RANBP2: variants seen among roughly 807,000 people sequenced by gnomAD.
RANBP2 encodes the protein E3 SUMO-protein ligase RanBP2.
In RANBP2, 57 loss-of-function variants were observed where a neutral mutation model predicts 303.6. That is an observed-to-expected ratio of 0.19 (90% CI 0.15 to 0.23). The LOEUF is 0.23. Among genes scored for constraint, RANBP2 ranks in the 10% least tolerant of loss-of-function variants. The pLI is 1.00. For missense variants in RANBP2, 3,138 were observed against 3,780.8 expected (o/e 0.83, Z 4.46); for synonymous variants, 1,167 against 1,301.5 (o/e 0.90, Z 2.23).
downstream of RANBP2, chr2:108,786,956 C>G: frequency 1.4e-6 from 2 of 1,383,154 alleles, no homozygotes; most frequent in Non-Finnish European, 1.9e-6. Context: ...GCTCCTGCTG[C>G]TGGGGGGCGG....
chr2:108,769,311 C>A (rs1349633211), intron 20 of RANBP2: 1 of 984,578 alleles, frequency 1.0e-6, no homozygotes, highest in East Asian at 1.1e-4. Context: ...TGGACTAGCA[C>A]CCCTTCCTCA....
chr2:108,797,358 G>A, the RANBP2 span, among the ~76,000 whole-genome samples: 1 of 152,292 alleles, frequency 6.6e-6, no homozygotes, highest in South Asian at 2.1e-4. Flanking sequence ...AGAGACGGCA[G>A]TATAAAATGC....
At chr2:108,776,011 T>C (rs1322559964) in intron 24 of RANBP2, 75 bp downstream of exon 24, 3 of 1,354,350 alleles carry the variant, frequency 2.2e-6, no homozygotes, top group Non-Finnish European at 3.1e-6. Flanking sequence ...TTTTAAAGGC[T>C]GATCCTGAAA....
chr2:109,569,883 T>C, the RANBP2 span, among the ~76,000 whole-genome samples: 1 of 152,108 alleles, frequency 6.6e-6, no homozygotes, highest in Non-Finnish European at 1.5e-5. Flanking sequence ...AGCAGTCGAA[T>C]GTTCTGCTTT....
chr2:109,766,026 CAGA>C, the RANBP2 span, among the ~76,000 whole-genome samples: 1 of 150,040 alleles, frequency 6.7e-6, no homozygotes, highest in Non-Finnish European at 1.5e-5. Context: ...AAAGAAAGGG[CAGA>C]AGGAGAGTGC....
rs373286631 is a variant in RANBP2 at position 108,762,113 on chromosome 2, G to C, written c.2615G>C (p.Gly872Ala). ...HGAPLTVATT[G>A]PSVYYSQSPA... ...TTTGTTTTTTTAGTTGCAACTACTG[G>C]CCCTTCAGTATATTATAGTCAGTCA... Residue 872 changes from glycine (G) to alanine (A), a missense_variant, in exon 19 of 29, where the codon GGC becomes GCC. Around this residue, in one of 20 missense-constraint regions of RANBP2, gnomAD observed 26 missense variants for 58.0 expected, o/e 0.45. Transcript: ENST00000283195. The C allele has an allele frequency of 6.3e-7, 1 of 1,595,842 alleles. No homozygotes were observed. The highest frequency in any genetic ancestry group is 8.5e-7 in the Non-Finnish European group (1 of 1,179,198).
At chr2:109,326,630 A>G in the RANBP2 span, among the ~76,000 whole-genome samples, 1 of 152,190 alleles carries the variant, frequency 6.6e-6, no homozygotes, top group Non-Finnish European at 1.5e-5. Flanking sequence ...TTTGGGGACC[A>G]TTTGTGTTCA....
the RANBP2 span, among the ~76,000 whole-genome samples, chr2:109,468,336 G>A: frequency 6.6e-6 from 1 of 152,126 alleles, no homozygotes; most frequent in Non-Finnish European, 1.5e-5. Flanking sequence ...GAAGGGGAAT[G>A]CGTTGCACTG....
the RANBP2 span, among the ~76,000 whole-genome samples, chr2:109,164,894 T>C: frequency 2.6e-5 from 4 of 152,236 alleles, no homozygotes; most frequent in Non-Finnish European, 1.5e-5. Context: ...AAGGCACTTA[T>C]GGATGATGGT....
chr2:109,655,086 A>G, the RANBP2 span, among the ~76,000 whole-genome samples: 19 of 152,086 alleles, frequency 1.2e-4, no homozygotes, highest in East Asian at 3.7e-3. Context: ...TATTTTTAGT[A>G]GAGACGGGGT....
At chr2:109,717,837 C>G in the RANBP2 span, among the ~76,000 whole-genome samples, 1 of 151,882 alleles carries the variant, frequency 6.6e-6, no homozygotes, top group African/African-American at 2.4e-5. Flanking sequence ...TCGCTTGAAC[C>G]CGGGAGGCAG....
the RANBP2 span, among the ~76,000 whole-genome samples, chr2:109,122,564 AG>A: frequency 1.3e-5 from 2 of 152,180 alleles, no homozygotes; most frequent in African/African-American, 4.8e-5. Context: ...GTCTTACTAA[AG>A]CCCCCATCAA....
chr2:108,873,115 T>C, the RANBP2 span, among the ~76,000 whole-genome samples: 1 of 152,206 alleles, frequency 6.6e-6, no homozygotes, highest in Non-Finnish European at 1.5e-5. Context: ...CAGAATTTCT[T>C]GTTGCTAATT....
chr2:109,566,232 T>G, the RANBP2 span, among the ~76,000 whole-genome samples: 1 of 152,088 alleles, frequency 6.6e-6, no homozygotes, highest in South Asian at 2.1e-4. Context: ...GTGATTCTCC[T>G]ACCTCAGCCT....
the RANBP2 span, among the ~76,000 whole-genome samples, chr2:108,797,456 A>G: frequency 6.6e-6 from 1 of 152,204 alleles, no homozygotes; most frequent in African/African-American, 2.4e-5. Context: ...ATATGGGCTG[A>G]AGCCAGTCTT....
the RANBP2 span, chr2:109,732,881 G>A: frequency 8.2e-6 from 9 of 1,103,172 alleles, no homozygotes; most frequent in African/African-American, 6.2e-5. Flanking sequence ...TGCAGCAGGT[G>A]TGGTCTGAGA....
the RANBP2 span, among the ~76,000 whole-genome samples, chr2:109,393,423 T>A: frequency 5.9e-5 from 9 of 152,180 alleles, no homozygotes; most frequent in Admixed American, 3.3e-4. Flanking sequence ...AGCCCACACC[T>A]ATTGAGCCGG....
At chr2:109,403,658 A>G in the RANBP2 span, among the ~76,000 whole-genome samples, 1 of 152,202 alleles carries the variant, frequency 6.6e-6, no homozygotes, top group Non-Finnish European at 1.5e-5. Context: ...GGCTGAGGCC[A>G]GGCTCAATGC....
chr2:109,504,100 C>G, the RANBP2 span: 1 of 152,210 alleles, frequency 6.6e-6, no homozygotes, highest in African/African-American at 2.4e-5. Flanking sequence ...GGCCCTGCAG[C>G]CTTCATGATG....
Sources: gnomAD v4.1 joint callset for allele counts (sites outside exome capture counted in the v4.1 genomes callset) on GRCh38, gnomAD v4.1.1 for gene constraint, gnomAD v4.1.1 regional missense constraint, MANE v1.5 for transcripts, NCBI Gene and HGNC (gene_info 2026-07-23, HGNC 2026-07-21) for gene names.